Variants in ASIC2 observed in about 807,000 individuals in gnomAD.
ASIC2 encodes the protein acid sensing ion channel subunit 2, also known as acid-sensing ion channel 2.
In ASIC2, 25 loss-of-function variants were observed where a neutral mutation model predicts 57.3. That is an observed-to-expected ratio of 0.44 (90% CI 0.32 to 0.61). The LOEUF is 0.61. ASIC2 is among the 20% of genes least tolerant of loss of function. The probability of loss-of-function intolerance (pLI) is 0.06; values close to 1 mark genes in which losing one functional copy is unlikely to be tolerated. For missense variants in ASIC2, 641 were observed against 738.1 expected, an observed-to-expected ratio of 0.87 and a Z score of 1.52; for synonymous variants, 319 against 307.5, an observed-to-expected ratio of 1.04 and a Z score of -0.39.
At chr17:33,773,237 A>G (rs748577742) in intron 1 of ASIC2, among the ~76,000 whole-genome samples, 4 of 152,118 alleles carry the variant, frequency 2.6e-5, no homozygotes, top group Non-Finnish European at 5.9e-5. Flanking sequence ...AAATCATACA[A>G]TGAACTCCCT....
chr17:33,587,345 A>G (rs1295951477), intron 1 of ASIC2, among the ~76,000 whole-genome samples: 1 of 152,240 alleles, frequency 6.6e-6, no homozygotes, highest in Non-Finnish European at 1.5e-5. Flanking sequence ...TCTCAGGGTC[A>G]GTTCAGTGGC....
At chr17:33,636,908 A>C (rs1906389525) in intron 1 of ASIC2, among the ~76,000 whole-genome samples, 1 of 151,990 alleles carries the variant, frequency 6.6e-6, no homozygotes, top group Non-Finnish European at 1.5e-5. Flanking sequence ...ACACACCTGT[A>C]CAATTCTCTC....
At chr17:33,385,970 C>T (rs937660932) in intron 1 of ASIC2, among the ~76,000 whole-genome samples, 9 of 152,186 alleles carry the variant, frequency 5.9e-5, no homozygotes, top group African/African-American at 2.2e-4. Context: ...ACTGCTCCCT[C>T]GCAGAGATAA....
intron 1 of ASIC2, chr17:33,626,892 C>A (rs1193553077): frequency 1.3e-5 from 2 of 152,312 alleles, no homozygotes; most frequent in Non-Finnish European, 2.9e-5. Context: ...CATGTGACTT[C>A]TTTGCTCAAA....
At chr17:33,082,481 T>C (rs1051774924) in intron 3 of ASIC2, among the ~76,000 whole-genome samples, 4 of 152,102 alleles carry the variant, frequency 2.6e-5, no homozygotes, top group African/African-American at 9.7e-5. Flanking sequence ...GGTGGATCAC[T>C]TGAGGCCAGG....
chr17:33,283,616 C>T (rs2142172290), intron 1 of ASIC2, among the ~76,000 whole-genome samples: 1 of 152,240 alleles, frequency 6.6e-6, no homozygotes, highest in Non-Finnish European at 1.5e-5. Flanking sequence ...CGACACTGAC[C>T]AGCAACAGAG....
chr17:33,713,193 A>AT (rs1909109130), intron 1 of ASIC2, among the ~76,000 whole-genome samples: 1 of 152,222 alleles, frequency 6.6e-6, no homozygotes. Context: ...TGTGAATACC[A>AT]GGAGGCTGGT....
intron 1 of ASIC2, among the ~76,000 whole-genome samples, chr17:33,385,465 C>T (rs752913533): frequency 6.6e-6 from 1 of 152,234 alleles, no homozygotes; most frequent in Non-Finnish European, 1.5e-5. Context: ...AATTCTGACT[C>T]AGATTTTTCT....
intron 1 of ASIC2, among the ~76,000 whole-genome samples, chr17:34,060,849 A>G (rs1908944440): frequency 6.6e-6 from 1 of 152,136 alleles, no homozygotes; most frequent in East Asian, 1.9e-4. Flanking sequence ...TTCTGGGATT[A>G]TGTTAAATGA....
At chr17:33,154,113 C>G (rs1050837168) in intron 1 of ASIC2, among the ~76,000 whole-genome samples, 2 of 152,190 alleles carry the variant, frequency 1.3e-5, no homozygotes, top group African/African-American at 2.4e-5. Context: ...AGGACCAAGA[C>G]AGTCCTGGGC....
intron 1 of ASIC2, among the ~76,000 whole-genome samples, chr17:33,208,557 C>T (rs1168248525): frequency 7.2e-5 from 11 of 152,134 alleles, no homozygotes; most frequent in Admixed American, 7.2e-4. Flanking sequence ...GTTTCAGCTT[C>T]AAAGTGACCT....
At chr17:33,731,533 T>C (rs1909742043) in intron 1 of ASIC2, among the ~76,000 whole-genome samples, 1 of 152,206 alleles carries the variant, frequency 6.6e-6, no homozygotes, top group Non-Finnish European at 1.5e-5. Flanking sequence ...AGAGTTCTGC[T>C]GGGACTAATC....
intron 1 of ASIC2, among the ~76,000 whole-genome samples, chr17:33,888,251 G>A (rs1914876878): frequency 1.3e-5 from 2 of 152,132 alleles, no homozygotes; most frequent in African/African-American, 4.8e-5. Flanking sequence ...AGGCTTGCAG[G>A]AAGATGTGAT....
chr17:33,967,247 T>TGA (rs59723667), intron 1 of ASIC2, among the ~76,000 whole-genome samples: 18,362 of 151,610 alleles, frequency 0.12, 1,295 homozygotes, highest in Admixed American at 0.16. Flanking sequence ...TCTTTTTTTC[T>TGA]GAGAGAGAGA....
At chr17:33,620,247 A>AAC (rs1219159899) in intron 1 of ASIC2, among the ~76,000 whole-genome samples, 52 of 151,550 alleles carry the variant, frequency 3.4e-4, no homozygotes, top group African/African-American at 1.2e-3. Flanking sequence ...AATGAAAAAA[A>AAC]AAAAAAAAAA....
At chr17:33,469,228 G>A (rs950063565) in intron 1 of ASIC2, among the ~76,000 whole-genome samples, 5 of 152,194 alleles carry the variant, frequency 3.3e-5, no homozygotes, top group Admixed American at 2.0e-4. Flanking sequence ...GAGCAGCGTC[G>A]AGACCCATGG....
intron 1 of ASIC2, among the ~76,000 whole-genome samples, chr17:33,363,146 A>G (rs1908676640): frequency 6.6e-6 from 1 of 152,174 alleles, no homozygotes; most frequent in Non-Finnish European, 1.5e-5. Flanking sequence ...TGAGGGGGGA[A>G]GAAAAGAGGT....
At chr17:33,100,363 C>T (rs2092207005) in intron 2 of ASIC2, 1 of 152,618 alleles carries the variant, frequency 6.6e-6, no homozygotes. Context: ...CTGCTCAGGA[C>T]CTCAGCTTTC....
At chr17:33,659,147 C>A (rs1227775325) in intron 1 of ASIC2, among the ~76,000 whole-genome samples, 1 of 152,180 alleles carries the variant, frequency 6.6e-6, no homozygotes, top group African/African-American at 2.4e-5. Context: ...AGTGTGGACA[C>A]CAGGAAGACT....
Sources: gnomAD v4.1 joint callset for allele counts (sites outside exome capture counted in the v4.1 genomes callset) on GRCh38, gnomAD v4.1.1 for gene constraint, MANE v1.5 for transcripts, NCBI Gene and HGNC (gene_info 2026-07-23, HGNC 2026-07-21) for gene names.